The following CNTNAP5 variants were observed in gnomAD, a reference collection of about 807,000 sequenced individuals.
The protein encoded by CNTNAP5 is contactin-associated protein-like 5.
CNTNAP5 carries 72 observed loss-of-function variants against 150.2 expected under a neutral mutation model. The ratio of observed to expected loss-of-function variants is 0.48; its 90% CI spans 0.40 to 0.58. The LOEUF (loss-of-function observed/expected upper bound fraction) is 0.58, where lower values mean the gene tolerates loss of function less well. Ranked by LOEUF, CNTNAP5 falls within the 20% of genes least tolerant of loss-of-function variation. CNTNAP5 has a pLI of 0.00. For synonymous variants in CNTNAP5, 672 were observed against 619.8 expected (o/e 1.08, Z -1.25); for missense variants, 1,636 against 1,626.2 (o/e 1.01, Z -0.10).
At chr2:124,508,201 G>T (rs753107145) in intron 8 of CNTNAP5, among the ~76,000 whole-genome samples, 5 of 152,190 alleles carry the variant, frequency 3.3e-5, no homozygotes, top group Non-Finnish European at 5.9e-5. Flanking sequence ...GCTGACTCAA[G>T]AGATACAGCT....
intron 3 of CNTNAP5, among the ~76,000 whole-genome samples, chr2:124,253,634 G>A (rs550991310): frequency 6.6e-6 from 1 of 152,228 alleles, no homozygotes; most frequent in African/African-American, 2.4e-5. Context: ...AATGACTTGT[G>A]TGATTTCCTT....
chr2:124,276,040 G>A (rs913037315), intron 3 of CNTNAP5, among the ~76,000 whole-genome samples: 1 of 151,950 alleles, frequency 6.6e-6, no homozygotes, highest in South Asian at 2.1e-4. Context: ...TTAATTTCAA[G>A]TACTATGAGA....
At chr2:124,786,333 GAGAAAGAAAGAAAGAAAGGAAGAAAGAA>G (rs1209751060) in intron 17 of CNTNAP5, among the ~76,000 whole-genome samples, 11 of 123,100 alleles carry the variant, frequency 8.9e-5, no homozygotes, top group South Asian at 2.7e-4. Context: ...AAGAAAGAAA[GAGAAAGAAAGAAAGAAAGGAAGAAAGAA>G]AGAAAGAAAG....
intron 3 of CNTNAP5, among the ~76,000 whole-genome samples, chr2:124,389,069 A>ATCT (rs1025852824): frequency 6.6e-6 from 1 of 152,186 alleles, no homozygotes; most frequent in African/African-American, 2.4e-5. Flanking sequence ...TTTTTTAAAA[A>ATCT]TCTTATTTCA....
intron 12 of CNTNAP5, among the ~76,000 whole-genome samples, chr2:124,622,545 C>T (rs1193174110): frequency 6.6e-6 from 1 of 152,108 alleles, no homozygotes; most frequent in Non-Finnish European, 1.5e-5. Context: ...GGAATTGCCA[C>T]ACTGTATTCC....
chr2:124,868,732 G>T (rs1677683628), intron 20 of CNTNAP5, among the ~76,000 whole-genome samples: 1 of 152,162 alleles, frequency 6.6e-6, no homozygotes, highest in Non-Finnish European at 1.5e-5. Flanking sequence ...GAAAATCATG[G>T]CAGGGGAGAT....
chr2:124,647,022 G>T (rs1166819418), intron 12 of CNTNAP5, among the ~76,000 whole-genome samples: 2 of 152,148 alleles, frequency 1.3e-5, no homozygotes, highest in East Asian at 1.9e-4. Context: ...ATCCAAGCTT[G>T]TTCTTGGCAG....
intron 11 of CNTNAP5, among the ~76,000 whole-genome samples, chr2:124,588,229 TTTC>T (rs1394358607): frequency 1.4e-5 from 2 of 146,522 alleles, no homozygotes; most frequent in Non-Finnish European, 3.0e-5. Flanking sequence ...TCTTTCTTTC[TTTC>T]TTTCTTCTTT....
At chr2:124,648,008 C>A in intron 13 of CNTNAP5, 50 bp downstream of exon 13, 1 of 1,516,490 alleles carries the variant, frequency 6.6e-7, no homozygotes. Flanking sequence ...GACCCTCAGA[C>A]CTGGAGTATT....
At chr2:124,682,960 G>T (rs1247510264) in intron 13 of CNTNAP5, among the ~76,000 whole-genome samples, 1 of 152,230 alleles carries the variant, frequency 6.6e-6, no homozygotes, top group Non-Finnish European at 1.5e-5. Flanking sequence ...CAACTGCAGT[G>T]ATCATCACAC....
intron 1 of CNTNAP5, among the ~76,000 whole-genome samples, chr2:124,157,894 T>C (rs1684582414): frequency 6.6e-6 from 1 of 152,206 alleles, no homozygotes; most frequent in African/African-American, 2.4e-5. Context: ...CTGACAAGTT[T>C]ATATGACAAA....
intron 10 of CNTNAP5, among the ~76,000 whole-genome samples, chr2:124,562,039 C>T (rs1005747744): frequency 1.3e-5 from 2 of 152,112 alleles, no homozygotes; most frequent in African/African-American, 4.8e-5. Context: ...GAGCACCAAC[C>T]AGGTTATCTC....
chr2:124,702,274 A>G (rs1679537482), intron 13 of CNTNAP5, among the ~76,000 whole-genome samples: 1 of 149,128 alleles, frequency 6.7e-6, no homozygotes, highest in Non-Finnish European at 1.5e-5. Flanking sequence ...ATTTACATTA[A>G]GCATAAGTAC....
intron 16 of CNTNAP5, 92 bp downstream of exon 16, chr2:124,764,239 C>T: frequency 2.1e-6 from 2 of 941,028 alleles, no homozygotes; most frequent in South Asian, 1.5e-5. Flanking sequence ...GCATTTGTAC[C>T]AGCAAATTAA....
At chr2:124,732,982 G>A (rs970408806) in intron 13 of CNTNAP5, among the ~76,000 whole-genome samples, 1 of 152,210 alleles carries the variant, frequency 6.6e-6, no homozygotes, top group African/African-American at 2.4e-5. Context: ...ACTTGGAGGT[G>A]GGTCTATTCA....
intron 3 of CNTNAP5, among the ~76,000 whole-genome samples, chr2:124,405,855 TTGAG>T (rs1691557416): frequency 6.6e-6 from 1 of 152,222 alleles, no homozygotes; most frequent in Admixed American, 6.5e-5. Context: ...CTTTTTATTG[TTGAG>T]TAATATTCCA....
rs71394026 is a variant in CNTNAP5, at chr2:124,176,842, G to GTTTTTTTTTTTTT, written c.83-44855_83-44843dup. Among the ~76,000 whole-genome samples the GTTTTTTTTTTTTT allele has an allele frequency of 3.5e-4, 42 of 119,906 alleles. 2 individuals carry two copies. The highest frequency in any genetic ancestry group is 5.3e-4 in the Admixed American group (6 of 11,218). 78.7% of individuals were successfully genotyped at this position (119,906 alleles called of 152,430 possible). A position where few individuals can be genotyped will look rare whatever the true frequency, so the allele number is the denominator to read the frequency against. ...TCAGATAATGTCTTTGTTATTGCTG[G>GTTTTTTTTTTTTT]TTTTTTTTTTTTTTTTTTTTACATG... On this transcript the variant is annotated intron_variant, in intron 1 of 23. Coordinates refer to ENST00000682447, the MANE Select transcript of CNTNAP5 (RefSeq NM_001367498.1).
At chr2:124,177,618 A>G (rs1685100410) in intron 1 of CNTNAP5, among the ~76,000 whole-genome samples, 1 of 152,164 alleles carries the variant, frequency 6.6e-6, no homozygotes, top group Non-Finnish European at 1.5e-5. Flanking sequence ...ACATGAATGT[A>G]TGAGCAATGC....
intron 1 of CNTNAP5, among the ~76,000 whole-genome samples, chr2:124,133,237 T>G (rs1381995160): frequency 1.3e-5 from 2 of 152,070 alleles, no homozygotes; most frequent in Non-Finnish European, 2.9e-5. Flanking sequence ...TCCATTCCGC[T>G]CCATAGCTCC....
Sources: gnomAD v4.1 joint callset for allele counts (sites outside exome capture counted in the v4.1 genomes callset) on GRCh38, gnomAD v4.1.1 for gene constraint, MANE v1.5 for transcripts, NCBI Gene and HGNC (gene_info 2026-07-23, HGNC 2026-07-21) for gene names.